Variants in SANBR observed in about 807,000 individuals in gnomAD.
The protein encoded by SANBR is SANT and BTB domain regulator of class switch recombination.
Under a neutral mutation model 101.8 loss-of-function variants are expected in SANBR, and 77 were observed. The observed-to-expected ratio is 0.76, with a 90% CI of 0.63 to 0.91. The LOEUF (loss-of-function observed/expected upper bound fraction) is 0.91. Ranked by LOEUF, SANBR falls within the 40% of genes least tolerant of loss-of-function variation. SANBR has a pLI of 0.00. For synonymous variants in SANBR, 279 were observed against 274.7 expected, an observed-to-expected ratio of 1.02 and a Z score of -0.15; for missense variants, 875 against 853.0, an observed-to-expected ratio of 1.03 and a Z score of -0.32.
At chr2:61,084,505 C>G (rs1170121344) in intron 8 of SANBR, among the ~76,000 whole-genome samples, 1 of 151,892 alleles carries the variant, frequency 6.6e-6, no homozygotes, top group Non-Finnish European at 1.5e-5. Flanking sequence ...CTACTATTAT[C>G]CCTCTGAAAA....
At chr2:61,066,561 A>G (rs1233344731) in intron 1 of SANBR, 2 of 152,476 alleles carry the variant, frequency 1.3e-5, no homozygotes, top group Admixed American at 6.5e-5. Context: ...AAGCCTGGGT[A>G]CAAGGCTTCT....
downstream of SANBR, among the ~76,000 whole-genome samples, chr2:61,125,036 C>A (rs1199691772): frequency 3.9e-5 from 6 of 152,228 alleles, no homozygotes; most frequent in African/African-American, 1.4e-4. Flanking sequence ...CTGTGTCACA[C>A]TTCTCAGGAC....
intron 5 of SANBR, among the ~76,000 whole-genome samples, chr2:61,076,265 T>G (rs1279286699): frequency 6.7e-6 from 1 of 148,250 alleles, no homozygotes; most frequent in Non-Finnish European, 1.5e-5. Flanking sequence ...AGTGCTGGGA[T>G]TACAGGTGTG....
chr2:61,116,136 AAAAT>A, intron 17 of SANBR, 66 bp downstream of exon 17: 1 of 1,155,488 alleles, frequency 8.7e-7, no homozygotes, highest in Non-Finnish European at 1.3e-6. Context: ...TAGCCAGAAA[AAAAT>A]AAAAAGAGTA....
intron 20 of SANBR, among the ~76,000 whole-genome samples, chr2:61,130,862 G>A (rs1684665493): frequency 7.2e-6 from 1 of 138,156 alleles, no homozygotes. Flanking sequence ...CTTGGGAAGT[G>A]GAGGTTGCAG....
chr2:61,119,555 C>T (rs1451814989), intron 20 of SANBR, among the ~76,000 whole-genome samples: 6 of 151,810 alleles, frequency 4.0e-5, no homozygotes, highest in Admixed American at 3.3e-4. Flanking sequence ...AATAAATGGG[C>T]AAAAGAGTAA....
At chr2:61,100,657 T>G (rs935045979) in intron 12 of SANBR, among the ~76,000 whole-genome samples, 2 of 152,210 alleles carry the variant, frequency 1.3e-5, no homozygotes, top group Non-Finnish European at 2.9e-5. Context: ...CAATGCTTTT[T>G]CTGTTCTCTA....
chr2:61,122,816 T>A lies in SANBR; in HGVS notation c.*654T>A. On this transcript the variant is annotated 3_prime_UTR_variant, in exon 22 of 22. Coordinates refer to ENST00000402291, the MANE Select transcript of SANBR (RefSeq NM_001129993.3). ...TCAGTTTTTAATGCTTATCTATTGA[T>A]CATCTGAGCTGGAATTACTGATTAT... 1.0e-6 allele frequency: 1 copy of A among 985,434 alleles called. No individual in the cohort carries two copies. The highest frequency in any genetic ancestry group is 1.2e-6 in the Non-Finnish European group (1 of 829,802). The allele number at this position is 985,434 out of a possible 1,614,324, so 61.0% of individuals were successfully genotyped here. A position where few individuals can be genotyped will look rare whatever the true frequency, so the allele number is the denominator to read the frequency against.
intron 16 of SANBR, among the ~76,000 whole-genome samples, chr2:61,114,205 G>A (rs998254163): frequency 6.6e-6 from 1 of 152,136 alleles, no homozygotes; most frequent in Non-Finnish European, 1.5e-5. Flanking sequence ...GAGAGTCTGG[G>A]CCGCTTACAG....
In SANBR at chr2:61,108,336, G is replaced by A; in HGVS notation, c.1631G>A (p.Trp544Ter). The change falls in exon 15 of 22, where the codon TGG becomes TAG. Residue 544 changes from tryptophan (W) to a stop codon, truncating the protein, a stop_gained. Transcript: ENST00000402291. LOFTEE classifies it high-confidence loss of function. ...TTGTAGTTCTTGTCATTGAAAAACTGGACTCTACAACTGGTAAGTGAGCAA... is the reference window on the plus strand; with the variant it reads ...TTGTAGTTCTTGTCATTGAAAAACTAGACTCTACAACTGGTAAGTGAGCAA... ...ELNAFLSLKNWTLQLKQQSLF... is the reference protein window; with the variant it reads ...ELNAFLSLKN The A allele has an allele frequency of 4.4e-6, 7 of 1,575,236 alleles. No homozygotes were observed. Among genetic ancestry groups the A allele is most frequent in the Non-Finnish European group, 6.0e-6 (7 of 1,157,070 alleles).
At chr2:61,131,396 G>T (rs1244491315) in intron 20 of SANBR, among the ~76,000 whole-genome samples, 1 of 152,054 alleles carries the variant, frequency 6.6e-6, no homozygotes, top group Non-Finnish European at 1.5e-5. Context: ...TTTCTATATA[G>T]TAGCAATGAA....
chr2:61,106,686 T>A, intron 14 of SANBR, 24 bp downstream of exon 14: 1 of 1,306,030 alleles, frequency 7.7e-7, no homozygotes, highest in Non-Finnish European at 1.1e-6. Context: ...TTTCACTTAT[T>A]CTTTATTTAC....
At chr2:61,104,624 G>A (rs1460455812) in intron 13 of SANBR, among the ~76,000 whole-genome samples, 1 of 152,136 alleles carries the variant, frequency 6.6e-6, no homozygotes, top group African/African-American at 2.4e-5. Context: ...ATCAATCAAT[G>A]CATGATTGAT....
At chr2:61,069,402 C>T (rs1350165428) in intron 2 of SANBR, among the ~76,000 whole-genome samples, 1 of 152,172 alleles carries the variant, frequency 6.6e-6, no homozygotes, top group Non-Finnish European at 1.5e-5. Context: ...CCTTGGCTAG[C>T]AGGTAGTAGA....
Position 61,073,479 on chromosome 2 carries a change from C to A in SANBR, c.359C>A (p.Thr120Lys). Residue 120 changes from threonine (T) to lysine (K), a missense_variant, in exon 5 of 22, where the codon ACA (threonine) becomes AAA (lysine). Transcript: ENST00000402291. ...TAAGGAAGACATAGTATAGCTTCCA[C>A]AAGGAATTGTTCTTCAGAAAGTGAA... is the stretch of plus-strand genomic sequence containing the variant. ...SKTGRHSIAS[T>K]RNCSSESENC... 2 of 1,567,154 alleles carry A rather than the reference C, an allele frequency of 1.3e-6. No homozygotes were observed. The highest frequency in any genetic ancestry group is 1.7e-6 in the Non-Finnish European group (2 of 1,146,660).
downstream of SANBR, among the ~76,000 whole-genome samples, chr2:61,128,342 C>T (rs532948899): frequency 3.9e-4 from 59 of 151,470 alleles, no homozygotes; most frequent in African/African-American, 7.5e-4. Context: ...TCTCATCAGA[C>T]GCAGTGGAGA....
intron 12 of SANBR, among the ~76,000 whole-genome samples, chr2:61,103,402 G>T (rs1683391607): frequency 6.6e-6 from 1 of 152,174 alleles, no homozygotes; most frequent in Non-Finnish European, 1.5e-5. Flanking sequence ...GCCTCCCAAA[G>T]TGCTGGGATT....
At chr2:61,103,280 G>A (rs184553596) in intron 12 of SANBR, among the ~76,000 whole-genome samples, 1 of 151,948 alleles carries the variant, frequency 6.6e-6, no homozygotes, top group Non-Finnish European at 1.5e-5. Flanking sequence ...TGGGACTGGA[G>A]GCATGCACCA....
rs1318954243 is a variant in SANBR, at chr2:61,071,622, A to G, written c.167A>G (p.Asp56Gly). Residue 56 changes from aspartate to glycine, a missense_variant, in exon 4 of 22, where the codon GAT becomes GGT. By Grantham distance (94) the Asp-to-Gly change is moderately conservative (BLOSUM62 -1). Coordinates refer to ENST00000402291, the MANE Select transcript of SANBR (RefSeq NM_001129993.3). ...TTATGACAGTGTGCAAAAAGGTTTG[A>G]TGAATTAAAGAGCAGTGGAAGCTCG... ...LTPKECAKRF[D>G]ELKSSGSSPV... 4 of 1,558,220 alleles carry G rather than the reference A, an allele frequency of 2.6e-6. No individual in the cohort carries two copies. In the South Asian group the frequency reaches 4.9e-5, roughly 19 times the overall value.
Sources: gnomAD v4.1 joint callset for allele counts (sites outside exome capture counted in the v4.1 genomes callset) on GRCh38, gnomAD v4.1.1 for gene constraint, MANE v1.5 for transcripts, NCBI Gene and HGNC (gene_info 2026-07-23, HGNC 2026-07-21) for gene names.